Variants in COL27A1 observed in about 807,000 individuals in gnomAD.
COL27A1 encodes the protein collagen type XXVII alpha 1 chain, also known as collagen alpha-1(XXVII) chain.
In COL27A1, 106 loss-of-function variants were observed where a neutral mutation model predicts 251.3. The observed-to-expected ratio is 0.42, with a 90% CI of 0.36 to 0.50. The LOEUF (loss-of-function observed/expected upper bound fraction) is 0.50, where lower values mean the gene tolerates loss of function less well. Among genes scored for constraint, COL27A1 ranks in the 20% least tolerant of loss-of-function variants. The probability of loss-of-function intolerance (pLI) is 0.00; values close to 1 mark genes in which losing one functional copy is unlikely to be tolerated. For missense variants in COL27A1, 2,325 were observed against 2,522.8 expected, an observed-to-expected ratio of 0.92 and a Z score of 1.68; for synonymous variants, 1,000 against 986.3, an observed-to-expected ratio of 1.01 and a Z score of -0.26.
intron 38 of COL27A1, 44 bp downstream of exon 38, chr9:114,282,374 G>T: frequency 6.2e-7 from 1 of 1,609,356 alleles, no homozygotes; most frequent in Non-Finnish European, 8.5e-7. Flanking sequence ...TCCCTCCCCC[G>T]CATCCCTTCC....
chr9:114,240,234 C>G lies in COL27A1; in HGVS notation c.2742C>G (p.Asp914Glu). The stretch of plus-strand genomic sequence containing the variant: ...CTTCCCCTCAGGGATTCCCAGGAGA[C>G]ATCGGCCCCCCTGGCGACAATGGCC... The part of the protein sequence containing the change: ...GPPGPEGFPG[D>E]IGPPGDNGPE... Residue 914 changes from aspartate to glutamate, a missense_variant, in exon 20 of 61, where the codon GAC becomes GAG. Physicochemically the swap from Asp to Glu is conservative, Grantham distance 45. Transcript: ENST00000356083. 6.2e-7 allele frequency: 1 copy of G among 1,610,612 alleles called. No homozygotes were observed. Among genetic ancestry groups the G allele is most frequent in the Non-Finnish European group, 8.5e-7 (1 of 1,178,204 alleles).
intron 50 of COL27A1, chr9:114,300,397 T>C (rs1626295): frequency 0.57 from 325,855 of 573,224 alleles, 99,350 homozygotes; most frequent in East Asian, 0.94. Context: ...AGTAGAAGAC[T>C]GTTGCAAAAA....
chr9:114,195,846 A>T, intron 6 of COL27A1, 113 bp from the exon 7 acceptor site: 1 of 877,220 alleles, frequency 1.1e-6, no homozygotes, highest in Non-Finnish European at 1.9e-6. Context: ...CTTCTCTATG[A>T]ATCTCATTTG....
chr9:114,174,827 G>A (rs192883020), intron 3 of COL27A1, among the ~76,000 whole-genome samples: 201 of 152,290 alleles, frequency 1.3e-3, no homozygotes, highest in East Asian at 9.7e-4. Flanking sequence ...GGAAGTCTGG[G>A]TGCCCTGTGT....
At chr9:114,289,975 T>C in intron 45 of COL27A1, 83 bp from the exon 46 acceptor site, 1 of 1,459,694 alleles carries the variant, frequency 6.9e-7, no homozygotes, top group Non-Finnish European at 9.6e-7. Context: ...GGGCCCACAA[T>C]CCTCTCAGTC....
intron 58 of COL27A1, 131 bp downstream of exon 58, chr9:114,306,819 T>G: frequency 1.0e-6 from 1 of 965,996 alleles, no homozygotes; most frequent in Non-Finnish European, 1.5e-6. Flanking sequence ...CAGTCATTTA[T>G]TCACTCAGCA....
intron 18 of COL27A1, among the ~76,000 whole-genome samples, 160 bp downstream of exon 18, chr9:114,237,194 G>A (rs1373403585): frequency 6.6e-6 from 1 of 152,214 alleles, no homozygotes; most frequent in Non-Finnish European, 1.5e-5. Flanking sequence ...TCATTTCACA[G>A]ATGAGGATAC....
chr9:114,243,433 G>T, intron 22 of COL27A1, 74 bp from the exon 23 acceptor site: 1 of 1,248,466 alleles, frequency 8.0e-7, no homozygotes, highest in South Asian at 1.2e-5. Flanking sequence ...CCTGTGCCAG[G>T]CCCTTGGAGC....
In COL27A1 at chr9:114,258,743, C is replaced by T. The variant is rs562557762; in HGVS notation, c.3195+149C>T. 6.4e-6 allele frequency: 5 copies of T among 778,316 alleles called. No homozygotes were observed. The Admixed American group carries it at 7.8e-5, about 12-fold the overall frequency. The allele number at this position is 778,316 out of a possible 1,614,324, so 48.2% of individuals were successfully genotyped here. On this transcript the variant is annotated intron_variant, in intron 28 of 60. Transcript: ENST00000356083. ...AGCACAAGGCAAGGTTCTAGGCTCACCCTGGACCTGTCTCTAGGGGTGGGA... is the reference window on the plus strand; with the variant it reads ...AGCACAAGGCAAGGTTCTAGGCTCATCCTGGACCTGTCTCTAGGGGTGGGA...
chr9:114,307,626 T>A (rs1306323302), intron 58 of COL27A1, 43 bp from the exon 59 acceptor site: 4 of 1,356,762 alleles, frequency 2.9e-6, no homozygotes, highest in Non-Finnish European at 4.2e-6. Context: ...AATGGGCTCA[T>A]CCCCCAGATA....
chr9:114,235,042 G>A (rs918976897), intron 16 of COL27A1, among the ~76,000 whole-genome samples: 2 of 136,404 alleles, frequency 1.5e-5, no homozygotes, highest in African/African-American at 5.5e-5. Flanking sequence ...TTGCACCACT[G>A]CTCTCCAACC....
At position 114,269,309 on chromosome 9, in the gene COL27A1, T is replaced by C. The variant is rs777041801; in HGVS notation, c.3555+15T>C. On this transcript the variant is annotated intron_variant, in intron 35 of 60. Coordinates refer to ENST00000356083, the MANE Select transcript of COL27A1 (RefSeq NM_032888.4). ...TTGGGCAACGGGTAAGTTGAAGCAA[T>C]TTATTCTTCCTGAAAGCCCCCAGGG... 1 of 1,602,986 alleles carries C rather than the reference T, an allele frequency of 6.2e-7. No individual in the cohort carries two copies. The highest frequency in any genetic ancestry group is 8.5e-7 in the Non-Finnish European group (1 of 1,173,106).
intron 7 of COL27A1, among the ~76,000 whole-genome samples, chr9:114,196,814 C>A (rs1829170349): frequency 6.6e-6 from 1 of 152,126 alleles, no homozygotes. Context: ...TACAGTCCCC[C>A]TGGATTTCTG....
chr9:114,202,999 G>T (rs1372790227), intron 7 of COL27A1, among the ~76,000 whole-genome samples: 1 of 152,150 alleles, frequency 6.6e-6, no homozygotes, highest in South Asian at 2.1e-4. Context: ...CCAATTTTAA[G>T]TGTACAGTTC....
At chr9:114,259,772 G>A (rs1834184303) in intron 28 of COL27A1, among the ~76,000 whole-genome samples, 1 of 152,184 alleles carries the variant, frequency 6.6e-6, no homozygotes, top group Non-Finnish European at 1.5e-5. Context: ...CAGCCTTATT[G>A]TAAAGAGAAA....
In COL27A1 at chr9:114,283,755, G is replaced by A; in HGVS notation, c.3926G>A (p.Gly1309Asp). 1 of 1,614,102 alleles carries A rather than the reference G, an allele frequency of 6.2e-7. No individual in the cohort carries two copies. Among genetic ancestry groups the A allele is most frequent in the Non-Finnish European group, 8.5e-7 (1 of 1,180,012 alleles). Residue 1309 changes from glycine (G) to aspartate (D), a missense_variant, in exon 40 of 61, where the codon GGT (glycine) becomes GAT (aspartate). Physicochemically the swap from Gly to Asp is moderately conservative, Grantham distance 94. Around this residue, in one of 4 missense-constraint regions of COL27A1, gnomAD observed 662 missense variants for 795.3 expected, o/e 0.83. Coordinates refer to ENST00000356083, the MANE Select transcript of COL27A1 (RefSeq NM_032888.4). ...GCCCAAGGAGAACCGGGACTGGCTG[G>A]TTATGATGTAAGCAGATATCACCTC... ...MGAQGEPGLA[G>D]YDGHKGIVGP...
At chr9:114,289,382 C>CAGCCTGCGTT in intron 45 of COL27A1, 87 bp downstream of exon 45, 2 of 1,312,704 alleles carry the variant, frequency 1.5e-6, no homozygotes, top group Non-Finnish European at 2.1e-6. Context: ...CAAACGCAGG[C>CAGCCTGCGTT]TGCAGAGGCT....
chr9:114,304,603 C>T lies in COL27A1; in HGVS notation c.4873-5C>T. The T allele has an allele frequency of 1.2e-6, 2 of 1,614,002 alleles. No homozygotes were observed. Among genetic ancestry groups the T allele is most frequent in the Non-Finnish European group, 1.7e-6 (2 of 1,179,922 alleles). On this transcript the variant is annotated splice_polypyrimidine_tract_variant and splice_region_variant and intron_variant, in intron 56 of 60. Coordinates refer to ENST00000356083, the MANE Select transcript of COL27A1 (RefSeq NM_032888.4). Reference sequence around the variant, plus strand: ...CGATACATACCCTGTCTTTTCCTTGCCCAGCAACAAGATGATCTTGGGGCA... The same window carrying T: ...CGATACATACCCTGTCTTTTCCTTGTCCAGCAACAAGATGATCTTGGGGCA...
rs564496373 is a variant in COL27A1 at position 114,311,265 on chromosome 9, G to A, written c.*570G>A. ...AAGCGGCGAGATCCTCGGGCTGGGGGTGCCCACGTTTGCTACCTCCCACTG... is the reference window on the plus strand; with the variant it reads ...AAGCGGCGAGATCCTCGGGCTGGGGATGCCCACGTTTGCTACCTCCCACTG... On this transcript the variant is annotated 3_prime_UTR_variant, in exon 61 of 61. Transcript: ENST00000356083. The A allele has an allele frequency of 6.6e-6, 1 of 151,878 alleles. No individual in the cohort carries two copies. Among genetic ancestry groups the A allele is most frequent in the Non-Finnish European group, 1.5e-5 (1 of 68,030 alleles). The allele number at this position is 151,878 out of a possible 1,614,324, so 9.4% of individuals were successfully genotyped here.
Sources: gnomAD v4.1 joint callset for allele counts (sites outside exome capture counted in the v4.1 genomes callset) on GRCh38, gnomAD v4.1.1 for gene constraint, gnomAD v4.1.1 regional missense constraint, MANE v1.5 for transcripts, NCBI Gene and HGNC (gene_info 2026-07-23, HGNC 2026-07-21) for gene names.